Variants in DBX2 observed in about 807,000 individuals in gnomAD.
DBX2 encodes developing brain homeobox 2.
DBX2 carries 16 observed loss-of-function variants against 17.7 expected under a neutral mutation model. The observed-to-expected ratio is 0.90, with a 90% confidence interval of 0.61 to 1.37. The LOEUF (loss-of-function observed/expected upper bound fraction) is 1.37, where lower values mean the gene tolerates loss of function less well. Ranked by LOEUF, DBX2 falls within the 40% of genes most tolerant of loss-of-function variation. DBX2 has a pLI of 0.00. For missense variants in DBX2, 538 were observed against 433.8 expected (o/e 1.24, Z -2.13); for synonymous variants, 255 against 183.8 (o/e 1.39, Z -3.13).
chr12:45,039,152 G>T, intron 1 of DBX2, among the ~76,000 whole-genome samples: 1 of 129,094 alleles, frequency 7.7e-6, no homozygotes. Flanking sequence ...TTCCAATTAA[G>T]TGCTTTTTTT....
chr12:45,046,839 C>G (rs1946503111), intron 1 of DBX2, among the ~76,000 whole-genome samples: 1 of 152,102 alleles, frequency 6.6e-6, no homozygotes, highest in African/African-American at 2.4e-5. Context: ...AATACTAATG[C>G]TCTTTTATTT....
chr12:45,031,092 C>G (rs1024084320), intron 2 of DBX2, among the ~76,000 whole-genome samples: 1 of 152,054 alleles, frequency 6.6e-6, no homozygotes, highest in Non-Finnish European at 1.5e-5. Context: ...GTGGGCTCAC[C>G]TTTTCCTGCT....
At chr12:45,024,054 T>C (rs908366025) in intron 2 of DBX2, among the ~76,000 whole-genome samples, 160 bp from the exon 3 acceptor site, 1 of 152,230 alleles carries the variant, frequency 6.6e-6, no homozygotes, top group African/African-American at 2.4e-5. Context: ...TTTTTGGCTA[T>C]GGACTCTCAT....
At chr12:45,033,584 T>A (rs1327283995) in intron 2 of DBX2, among the ~76,000 whole-genome samples, 2 of 152,158 alleles carry the variant, frequency 1.3e-5, no homozygotes, top group African/African-American at 4.8e-5. Flanking sequence ...ATTGACAGCT[T>A]AATTCTACCA....
chr12:45,050,560 C>G lies in DBX2; in HGVS notation c.368G>C (p.Gly123Ala), dbSNP rs377508330. 7 of 1,552,734 alleles carry G rather than the reference C, an allele frequency of 4.5e-6. No homozygotes were observed. The highest frequency in any genetic ancestry group is 2.4e-5 in the East Asian group (1 of 41,072). The change falls in exon 1 of 4, where the codon GGG becomes GCG. Residue 123 changes from glycine to alanine, a missense_variant. By Grantham distance (60) the Gly-to-Ala change is moderately conservative. Coordinates refer to ENST00000332700, the MANE Select transcript of DBX2 (RefSeq NM_001004329.3). Reference protein sequence around the residue: ...DSARLPGRAPGDRDCTFQPSA... With the variant: ...DSARLPGRAPADRDCTFQPSA... The stretch of plus-strand genomic sequence containing the variant: ...AGGCTGGAAGGTACAGTCTCGGTCC[C>G]CCGGAGCCCGGCCCGGCAGCCTCGC...
intron 1 of DBX2, among the ~76,000 whole-genome samples, chr12:45,041,709 T>G (rs147842903): frequency 1.3e-5 from 2 of 152,196 alleles, no homozygotes; most frequent in African/African-American, 4.8e-5. Flanking sequence ...CTTGTTTGCT[T>G]CTATCCTTTC....
chr12:45,050,301 G>A (rs1035661639), intron 1 of DBX2, among the ~76,000 whole-genome samples: 1 of 152,210 alleles, frequency 6.6e-6, no homozygotes, highest in Non-Finnish European at 1.5e-5. Flanking sequence ...AGAAGCTGGT[G>A]GAATGGGATG....
intron 1 of DBX2, among the ~76,000 whole-genome samples, chr12:45,043,171 G>T (rs1946481150): frequency 6.6e-6 from 1 of 152,020 alleles, no homozygotes; most frequent in Non-Finnish European, 1.5e-5. Context: ...TTTCACCCTG[G>T]GACAGATTTT....
intron 3 of DBX2, among the ~76,000 whole-genome samples, chr12:45,017,780 C>T (rs1156775022): frequency 6.6e-6 from 1 of 152,120 alleles, no homozygotes; most frequent in Non-Finnish European, 1.5e-5. Context: ...AACTGGTTTC[C>T]TGGAATCTTA....
intron 3 of DBX2, 27 bp from the exon 4 acceptor site, chr12:45,016,645 G>T: frequency 6.6e-7 from 1 of 1,509,032 alleles, no homozygotes; most frequent in Non-Finnish European, 8.8e-7. Flanking sequence ...TGCACAAAAT[G>T]ATCACTTATT....
chr12:45,016,482 G>A lies in DBX2; in HGVS notation c.824C>T (p.Pro275Leu), dbSNP rs1289926808. The change falls in exon 4 of 4, where the codon CCA becomes CTA. Residue 275 changes from proline to leucine, a missense_variant. Transcript: ENST00000332700. ...GGGGACGTCCCATATTGAAGGACAT[G>A]GAGAAGGGAAACCCAGAGCAGACCG... The part of the protein sequence containing the change: ...LSRSALGFPS[P>L]CPSIWDVPQQ... 3 of 1,613,936 alleles carry A rather than the reference G, an allele frequency of 1.9e-6. No homozygotes were observed. Among genetic ancestry groups the A allele is most frequent in the East Asian group, 2.2e-5 (1 of 44,868 alleles).
chr12:45,050,979 C>G lies in DBX2; in HGVS notation c.-52G>C. 1 of 1,350,596 alleles carries G rather than the reference C, an allele frequency of 7.4e-7. No homozygotes were observed. Among genetic ancestry groups the G allele is most frequent in the Non-Finnish European group, 9.5e-7 (1 of 1,054,768 alleles). The allele number at this position is 1,350,596 out of a possible 1,614,324, so 83.7% of individuals were successfully genotyped here. A position where few individuals can be genotyped will look rare whatever the true frequency, so the allele number is the denominator to read the frequency against. ...CGCCCGCCTTGCGCCCGCCTGTCGC[C>G]CGGGCGCCCCGCACCGCACCCAGAG... On this transcript the variant is annotated 5_prime_UTR_variant, in exon 1 of 4. Coordinates refer to ENST00000332700, the MANE Select transcript of DBX2 (RefSeq NM_001004329.3).
intron 1 of DBX2, among the ~76,000 whole-genome samples, chr12:45,046,147 T>A (rs1026862570): frequency 4.6e-5 from 7 of 152,120 alleles, no homozygotes; most frequent in African/African-American, 1.7e-4. Context: ...TCTCTTTTAT[T>A]TTATCCACTG....
At chr12:45,018,801 T>C (rs368758073) in intron 3 of DBX2, among the ~76,000 whole-genome samples, 7 of 152,196 alleles carry the variant, frequency 4.6e-5, no homozygotes, top group African/African-American at 1.7e-4. Flanking sequence ...AAAGGAATAC[T>C]ATTCAGCCTT....
rs557230563 is a variant in DBX2, at chr12:45,023,734, G to A, written c.660C>T (p.Ala220=). 2 of 1,614,002 alleles carry A rather than the reference G, an allele frequency of 1.2e-6. No individual in the cohort carries two copies. The highest frequency in any genetic ancestry group is 1.1e-5 in the South Asian group (1 of 91,054). ...YISKTDRKKL[A]INLGLKESQV... ...GTGATTCCTTTAGTCCCAAGTTGAT[G>A]GCAAGTTTCTTTCGGTCTGTTTTGC... The change falls in exon 3 of 4, where the codon GCC becomes GCT. Residue 220 remains alanine, a synonymous_variant. Coordinates refer to ENST00000332700, the MANE Select transcript of DBX2 (RefSeq NM_001004329.3).
At chr12:45,024,492 A>G (rs1162338645) in intron 2 of DBX2, among the ~76,000 whole-genome samples, 1 of 152,194 alleles carries the variant, frequency 6.6e-6, no homozygotes, top group Non-Finnish European at 1.5e-5. Flanking sequence ...ATGCCACATC[A>G]AGGCCCAAGG....
At chr12:45,042,393 A>C (rs1186706635) in intron 1 of DBX2, among the ~76,000 whole-genome samples, 21 of 152,216 alleles carry the variant, frequency 1.4e-4, no homozygotes, top group Non-Finnish European at 2.9e-4. Context: ...TTTGGAAAGT[A>C]CTTGGAAGGG....
intron 1 of DBX2, among the ~76,000 whole-genome samples, chr12:45,043,940 G>A (rs771095600): frequency 6.6e-6 from 1 of 152,130 alleles, no homozygotes; most frequent in Non-Finnish European, 1.5e-5. Flanking sequence ...GCTCTGTGAG[G>A]TTATATGAAT....
intron 1 of DBX2, among the ~76,000 whole-genome samples, chr12:45,039,019 A>G (rs1946455005): frequency 6.6e-6 from 1 of 151,902 alleles, no homozygotes; most frequent in Non-Finnish European, 1.5e-5. Context: ...ATTGTGTACA[A>G]TTTTTCACCA....
Sources: allele counts gnomAD v4.1 joint callset (sites outside exome capture counted in the v4.1 genomes callset), GRCh38; gene constraint gnomAD v4.1.1; transcripts MANE v1.5; gene names NCBI Gene and HGNC (gene_info 2026-07-23, HGNC 2026-07-21).